PDE10A: variants seen among roughly 807,000 people sequenced by gnomAD.
The protein encoded by PDE10A is phosphodiesterase 10A, also known as cAMP and cAMP-inhibited cGMP 3',5'-cyclic phosphodiesterase 10A.
A neutral mutation model predicts 97.7 loss-of-function variants in PDE10A; 39 were observed. The ratio of observed to expected loss-of-function variants is 0.40; its 90% CI spans 0.31 to 0.52. PDE10A has a LOEUF of 0.52. PDE10A is among the 20% of genes least tolerant of loss of function. PDE10A has a pLI of 0.56. For synonymous variants in PDE10A, 371 were observed against 376.8 expected, an observed-to-expected ratio of 0.98 and a Z score of 0.18; for missense variants, 731 against 1,047.8, an observed-to-expected ratio of 0.70 and a Z score of 4.17.
At chr6:165,830,718 C>T (rs1034467215) in intron 1 of PDE10A, among the ~76,000 whole-genome samples, 2 of 152,136 alleles carry the variant, frequency 1.3e-5, no homozygotes, top group African/African-American at 4.8e-5. Flanking sequence ...TGTGAAGGGA[C>T]AATCTGAGCA....
chr6:165,692,896 G>A (rs1038549513), intron 1 of PDE10A, among the ~76,000 whole-genome samples: 48 of 152,212 alleles, frequency 3.2e-4, no homozygotes, highest in Non-Finnish European at 4.3e-4. Context: ...TCCAAATTCT[G>A]ACTAAATCCG....
At chr6:165,359,191 A>G (rs182187705) in intron 18 of PDE10A, among the ~76,000 whole-genome samples, 2 of 152,272 alleles carry the variant, frequency 1.3e-5, no homozygotes, top group East Asian at 3.9e-4. Flanking sequence ...CTATTTATCT[A>G]CATATTTGCT....
chr6:165,400,024 C>A (rs901110510), intron 13 of PDE10A, among the ~76,000 whole-genome samples: 3 of 152,134 alleles, frequency 2.0e-5, no homozygotes, highest in African/African-American at 7.2e-5. Flanking sequence ...AATAGGACCA[C>A]ACAGACGGTC....
At chr6:165,952,001 C>G (rs1263252124) in intron 1 of PDE10A, among the ~76,000 whole-genome samples, 1 of 152,222 alleles carries the variant, frequency 6.6e-6, no homozygotes, top group East Asian at 1.9e-4. Context: ...GAGGTAAGTA[C>G]TTTCCAACAT....
intron 1 of PDE10A, among the ~76,000 whole-genome samples, chr6:165,712,387 C>A (rs755692595): frequency 6.6e-6 from 1 of 152,122 alleles, no homozygotes; most frequent in Non-Finnish European, 1.5e-5. Flanking sequence ...CTGTGGGGCT[C>A]GTCTGAGACT....
chr6:165,490,222 A>G (rs1780150798), intron 2 of PDE10A, among the ~76,000 whole-genome samples: 1 of 152,188 alleles, frequency 6.6e-6, no homozygotes, highest in South Asian at 2.1e-4. Flanking sequence ...ATAAAGAAAA[A>G]CTTGTCAGAC....
At chr6:165,526,532 T>C (rs1782457553) in intron 2 of PDE10A, among the ~76,000 whole-genome samples, 1 of 152,194 alleles carries the variant, frequency 6.6e-6, no homozygotes, top group African/African-American at 2.4e-5. Context: ...CTGGAGGGAC[T>C]GCAGAGATTA....
At chr6:165,569,978 G>C (rs1784972401) in intron 1 of PDE10A, among the ~76,000 whole-genome samples, 1 of 152,124 alleles carries the variant, frequency 6.6e-6, no homozygotes, top group Non-Finnish European at 1.5e-5. Context: ...GAAAAGTTAG[G>C]ACACAAACTA....
chr6:165,338,103 C>T (rs16897688), intron 20 of PDE10A, among the ~76,000 whole-genome samples: 3,155 of 152,216 alleles, frequency 0.021, 107 homozygotes, highest in African/African-American at 0.072. Context: ...GCAGTAAACA[C>T]GATAGGTATT....
chr6:165,718,424 G>C (rs1236480534), intron 1 of PDE10A: 1 of 152,074 alleles, frequency 6.6e-6, no homozygotes, highest in South Asian at 2.1e-4. Flanking sequence ...ATCCCCAGAA[G>C]AAACAAAGGG....
intron 1 of PDE10A, among the ~76,000 whole-genome samples, chr6:165,558,250 T>TG (rs1562579362): frequency 6.6e-6 from 1 of 152,188 alleles, no homozygotes; most frequent in African/African-American, 2.4e-5. Flanking sequence ...GTGGCACATA[T>TG]ACACCATGGA....
intron 1 of PDE10A, among the ~76,000 whole-genome samples, chr6:165,715,049 G>A (rs776173244): frequency 7.9e-5 from 12 of 152,230 alleles, no homozygotes; most frequent in Non-Finnish European, 1.3e-4. Flanking sequence ...AGGAACCCAC[G>A]GGCCGCGAGG....
At chr6:165,406,551 T>G (rs551288114) in intron 13 of PDE10A, among the ~76,000 whole-genome samples, 20 of 152,114 alleles carry the variant, frequency 1.3e-4, no homozygotes, top group Non-Finnish European at 2.4e-4. Context: ...CGATGAAGTT[T>G]TGGGTTTTTT....
intron 1 of PDE10A, among the ~76,000 whole-genome samples, chr6:165,783,922 A>G (rs1778413338): frequency 6.6e-6 from 1 of 152,182 alleles, no homozygotes; most frequent in African/African-American, 2.4e-5. Context: ...AGCGGCTATG[A>G]AAAGCTGTCT....
chr6:165,916,150 T>G (rs1782598699), intron 1 of PDE10A, among the ~76,000 whole-genome samples: 1 of 152,240 alleles, frequency 6.6e-6, no homozygotes, highest in African/African-American at 2.4e-5. Flanking sequence ...TTTTAAATAT[T>G]CTTTTAAAAC....
intron 1 of PDE10A, among the ~76,000 whole-genome samples, chr6:165,574,065 A>AGCG (rs1785185113): frequency 6.6e-6 from 1 of 152,250 alleles, no homozygotes; most frequent in East Asian, 1.9e-4. Context: ...AGGTTTTAGC[A>AGCG]ACTTATTAAC....
intron 18 of PDE10A, among the ~76,000 whole-genome samples, chr6:165,371,834 T>C (rs1418425022): frequency 3.3e-5 from 5 of 152,098 alleles, no homozygotes; most frequent in Admixed American, 2.0e-4. Context: ...CTCAATAAAA[T>C]ACTGGCAAAC....
chr6:165,829,723 C>T (rs2128470804), intron 1 of PDE10A, among the ~76,000 whole-genome samples: 1 of 152,336 alleles, frequency 6.6e-6, no homozygotes, highest in South Asian at 2.1e-4. Context: ...CTTACTTTTC[C>T]CCAATGCTTC....
intron 2 of PDE10A, among the ~76,000 whole-genome samples, chr6:165,528,262 AGAG>A (rs1782568552): frequency 6.6e-6 from 1 of 152,212 alleles, no homozygotes; most frequent in Non-Finnish European, 1.5e-5. Context: ...TGACCTCAGC[AGAG>A]GAGGAGTTTA....
Sources: allele counts gnomAD v4.1 joint callset (sites outside exome capture counted in the v4.1 genomes callset), GRCh38; gene constraint gnomAD v4.1.1; transcripts MANE v1.5; gene names NCBI Gene and HGNC (gene_info 2026-07-23, HGNC 2026-07-21).